The following JAKMIP3 variants were observed in gnomAD, a reference collection of about 807,000 sequenced individuals.
The protein encoded by JAKMIP3 is Janus kinase and microtubule interacting protein 3.
A neutral mutation model predicts 118.5 loss-of-function variants in JAKMIP3; 58 were observed. That is an observed-to-expected ratio of 0.49 (90% CI 0.40 to 0.61). The LOEUF is 0.61. Among genes scored for constraint, JAKMIP3 ranks in the 20% least tolerant of loss-of-function variants. The pLI is 0.00. For missense variants in JAKMIP3, 950 were observed against 1,109.0 expected (o/e 0.86, Z 2.04); for synonymous variants, 486 against 451.2 (o/e 1.08, Z -0.98).
At chr10:132,099,884 G>GT (rs11408220) in intron 1 of JAKMIP3, among the ~76,000 whole-genome samples, 93,055 of 151,956 alleles carry the variant, frequency 0.61, 28,754 homozygotes, top group East Asian at 0.71. Flanking sequence ...GCTCACCCTG[G>GT]TGATGGTGGT....
Position 132,118,290 on chromosome 10 carries a change from C to T in JAKMIP3, c.633+716C>T, listed in dbSNP as rs1219260727. Among the ~76,000 whole-genome samples the T allele has an allele frequency of 6.6e-6, 1 of 152,238 alleles. No individual in the cohort carries two copies. The highest frequency in any genetic ancestry group is 1.5e-5 in the Non-Finnish European group (1 of 68,052). ...TCGATGTTCTCAAAGGCCCAGGGTTCAGCTGACGAGAATGTCCAGGGATTG... is the reference window on the plus strand; with the variant it reads ...TCGATGTTCTCAAAGGCCCAGGGTTTAGCTGACGAGAATGTCCAGGGATTG... On this transcript the variant is annotated intron_variant, in intron 3 of 23. Coordinates refer to ENST00000684848, the MANE Select transcript of JAKMIP3 (RefSeq NM_001323087.2). The surrounding 1 kb of genome is among the most constrained non-coding windows in gnomAD (Gnocchi z 4.8).
chr10:132,176,026 C>A (rs2060107857), intron 23 of JAKMIP3, among the ~76,000 whole-genome samples: 1 of 152,256 alleles, frequency 6.6e-6, no homozygotes, highest in Non-Finnish European at 1.5e-5. Flanking sequence ...TCCCTGAGTA[C>A]TGCCCAGGCA....
chr10:132,158,557 G>A (rs1270883240), intron 19 of JAKMIP3, among the ~76,000 whole-genome samples: 1 of 152,258 alleles, frequency 6.6e-6, no homozygotes, highest in Non-Finnish European at 1.5e-5. Context: ...CATGGTTGCT[G>A]GTTGGGCCAG....
rs1378044769 is a variant in JAKMIP3 at position 132,044,897 on chromosome 10, G to A, written c.-138+8159G>A. ...GTATTTGTGCGTGTGTGTGACTGGC[G>A]TGCTTCACCGTGTTGCATGCGCGTC... On this transcript the variant is annotated intron_variant, in intron 1 of 23. Coordinates refer to the JAKMIP3 transcript ENST00000657785. This position sits in a 1 kb window ranked among gnomAD's most constrained non-coding sequence, Gnocchi z 5.3. Among the ~76,000 whole-genome samples, 2 of 146,648 alleles carry A rather than the reference G, an allele frequency of 1.4e-5. No homozygotes were observed. The highest frequency in any genetic ancestry group is 1.9e-4 in the East Asian group (1 of 5,148).
intron 1 of JAKMIP3, among the ~76,000 whole-genome samples, chr10:132,098,096 C>T (rs149586197): frequency 0.025 from 3,767 of 150,582 alleles, 67 homozygotes; most frequent in Non-Finnish European, 0.037. Context: ...AGTGCAGTGA[C>T]ATGATCACAG....
At chr10:132,162,059 G>A (rs558402657) in intron 19 of JAKMIP3, among the ~76,000 whole-genome samples, 2 of 127,956 alleles carry the variant, frequency 1.6e-5, no homozygotes, top group East Asian at 2.0e-4. Context: ...GCTCTCGGTC[G>A]CTCGGGTGCC....
At chr10:132,067,930 T>C (rs1052894883) in intron 1 of JAKMIP3, among the ~76,000 whole-genome samples, 1 of 150,792 alleles carries the variant, frequency 6.6e-6, no homozygotes. Flanking sequence ...CTGTGTGGAC[T>C]GTGGGCTTCC....
chr10:132,051,627 G>A (rs1437492875), intron 1 of JAKMIP3, among the ~76,000 whole-genome samples: 1 of 150,902 alleles, frequency 6.6e-6, no homozygotes, highest in Non-Finnish European at 1.5e-5. Context: ...TTGAGATGTG[G>A]TCTCCCTTTG....
intron 1 of JAKMIP3, among the ~76,000 whole-genome samples, chr10:132,102,277 C>T (rs565551547): frequency 1.1e-3 from 160 of 152,276 alleles, no homozygotes; most frequent in African/African-American, 3.8e-3. Flanking sequence ...GTGCGCCGGG[C>T]CCGGCGAGCA....
rs2061697716 is a variant in JAKMIP3, at chr10:132,184,471, T to C, written c.*3218T>C. 1 of 152,238 alleles carries C rather than the reference T, an allele frequency of 6.6e-6. No individual in the cohort carries two copies. The highest frequency in any genetic ancestry group is 6.5e-5 in the Admixed American group (1 of 15,286). The allele number at this position is 152,238 out of a possible 1,614,324, so 9.4% of individuals were successfully genotyped here. On this transcript the variant is annotated 3_prime_UTR_variant, in exon 24 of 24. Transcript: ENST00000684848. ...ATTCAGTTTAGCCTCAGGAAACTCATATTGTGAATATAGGTATCAAATCAT... is the reference window on the plus strand; with the variant it reads ...ATTCAGTTTAGCCTCAGGAAACTCACATTGTGAATATAGGTATCAAATCAT...
chr10:132,093,559 A>G (rs981156808), intron 1 of JAKMIP3, among the ~76,000 whole-genome samples: 2 of 152,182 alleles, frequency 1.3e-5, no homozygotes, highest in Non-Finnish European at 2.9e-5. Context: ...ATAATCTCCT[A>G]TTGTGCCATT....
At chr10:132,159,113 T>C (rs1347220371) in intron 19 of JAKMIP3, among the ~76,000 whole-genome samples, 1 of 139,690 alleles carries the variant, frequency 7.2e-6, no homozygotes, top group Non-Finnish European at 1.5e-5. Context: ...TGGGGGCGTC[T>C]CTCCCCGTGT....
intron 1 of JAKMIP3, among the ~76,000 whole-genome samples, chr10:132,100,176 A>AC (rs111873763): frequency 6.7e-6 from 1 of 150,220 alleles, no homozygotes; most frequent in Admixed American, 6.6e-5. Context: ...CCCCACACGG[A>AC]CCCCCCGCAC....
intron 23 of JAKMIP3, among the ~76,000 whole-genome samples, chr10:132,176,706 T>C (rs1165618094): frequency 6.6e-6 from 1 of 152,152 alleles, no homozygotes; most frequent in Non-Finnish European, 1.5e-5. Flanking sequence ...TTGGAATCAC[T>C]CTGCAGGGAT....
In JAKMIP3 at chr10:132,074,735, G is replaced by A. The variant is rs191755304; in HGVS notation, c.-138+8674G>A. Among the ~76,000 whole-genome samples the A allele has an allele frequency of 4.5e-4, 69 of 152,316 alleles. 1 individual carries two copies. The Middle Eastern group carries it at 0.014, about 30-fold the overall frequency. ...AGTTGAGTTTGTTTTTGCGGACTCAGTCATGAATTCTTTGCCTAGGCCAAT... is the reference window on the plus strand; with the variant it reads ...AGTTGAGTTTGTTTTTGCGGACTCAATCATGAATTCTTTGCCTAGGCCAAT... On this transcript the variant is annotated intron_variant, in intron 1 of 23. Coordinates refer to ENST00000684848, the MANE Select transcript of JAKMIP3 (RefSeq NM_001323087.2).
intron 1 of JAKMIP3, among the ~76,000 whole-genome samples, chr10:132,097,282 A>G (rs2044008169): frequency 6.6e-6 from 1 of 152,168 alleles, no homozygotes; most frequent in Non-Finnish European, 1.5e-5. Flanking sequence ...CGAAAGATAC[A>G]GTGGTGCAGC....
chr10:132,079,805 A>G (rs1228229529), intron 1 of JAKMIP3, among the ~76,000 whole-genome samples: 1 of 152,198 alleles, frequency 6.6e-6, no homozygotes. Context: ...GTTTGTTCCA[A>G]AGACCTCATG....
At chr10:132,060,753 C>T (rs2038369732), upstream of JAKMIP3, among the ~76,000 whole-genome samples, 1 of 152,218 alleles carries the variant, frequency 6.6e-6, no homozygotes. Flanking sequence ...GGTGCAGTGG[C>T]TCACGCCTGT....
chr10:132,125,091 C>T (rs965629920), intron 3 of JAKMIP3, among the ~76,000 whole-genome samples: 1 of 152,176 alleles, frequency 6.6e-6, no homozygotes, highest in Non-Finnish European at 1.5e-5. Context: ...TTAAGGAAGC[C>T]CGATTTGTCG....
Sources: gnomAD v4.1 joint callset for allele counts (sites outside exome capture counted in the v4.1 genomes callset) on GRCh38, gnomAD v4.1.1 for gene constraint, Gnocchi (gnomAD v3.1) non-coding constraint, MANE v1.5 for transcripts, NCBI Gene and HGNC (gene_info 2026-07-23, HGNC 2026-07-21) for gene names.